The following STAG2 variants were observed in gnomAD, a reference collection of about 807,000 sequenced individuals.
STAG2 encodes cohesin subunit SA-2.
STAG2 carries 14 observed loss-of-function variants against 108.1 expected under a neutral mutation model. The observed-to-expected ratio is 0.13, with a 90% CI of 0.09 to 0.20. The LOEUF (loss-of-function observed/expected upper bound fraction) is 0.20. STAG2 is among the 10% of genes least tolerant of loss of function. The probability of loss-of-function intolerance (pLI) is 1.00; values close to 1 mark genes in which losing one functional copy is unlikely to be tolerated. For missense variants in STAG2, 440 were observed against 940.9 expected (o/e 0.47, Z 6.96); for synonymous variants, 307 against 302.7 (o/e 1.01, Z -0.15).
chrX:124,039,739 C>G, intron 6 of STAG2, among the ~76,000 whole-genome samples: 1 of 108,584 alleles, frequency 9.2e-6, no homozygotes, highest in Non-Finnish European at 1.9e-5. Context: ...GTTGTCCCAC[C>G]TTGGCCTCCC....
At chrX:124,045,519 C>T (rs1231445327) in intron 8 of STAG2, 151 bp downstream of exon 8, 2 of 491,167 alleles carry the variant, frequency 4.1e-6, no homozygotes, top group Non-Finnish European at 6.6e-6. Flanking sequence ...CCTGCGAATT[C>T]CTGGAAATGG....
chrX:124,060,665 G>A (rs974396103), intron 15 of STAG2, among the ~76,000 whole-genome samples: 1 of 110,000 alleles, frequency 9.1e-6, no homozygotes, highest in East Asian at 2.9e-4. Flanking sequence ...GCTCACACCT[G>A]TAATCCCAGC....
At chrX:124,043,481 G>A (rs2057784613) in intron 7 of STAG2, among the ~76,000 whole-genome samples, 1 of 111,253 alleles carries the variant, frequency 9.0e-6, no homozygotes, top group African/African-American at 3.3e-5. Flanking sequence ...CTGTAAAATG[G>A]GCCTAATAGT....
At chrX:124,012,252 T>C (rs1015601567) in intron 1 of STAG2, among the ~76,000 whole-genome samples, 1 of 112,385 alleles carries the variant, frequency 8.9e-6, no homozygotes, top group Non-Finnish European at 1.9e-5. Context: ...TATTGGTCTG[T>C]AGTTTTCTTA....
At chrX:124,020,903 C>A (rs1412260864) in intron 1 of STAG2, among the ~76,000 whole-genome samples, 2 of 111,683 alleles carry the variant, frequency 1.8e-5, no homozygotes, top group African/African-American at 3.3e-5. Context: ...AACTCCTCAC[C>A]TCAAGTGACC....
intron 34 of STAG2, among the ~76,000 whole-genome samples, chrX:124,099,263 C>T: frequency 8.9e-6 from 1 of 111,862 alleles, no homozygotes; most frequent in Non-Finnish European, 1.9e-5. Context: ...CGTCTTCATC[C>T]CATACTCAAT....
rs1006787607 is a variant in STAG2, at chrX:124,032,352, A to G, written c.288+1227A>G. Among the ~76,000 whole-genome samples, 15 of 112,319 alleles carry G rather than the reference A, an allele frequency of 1.3e-4. No homozygotes were observed. In the South Asian group the frequency reaches 2.2e-3, roughly 16 times the overall value. ...GTTTTCTCTGCATACTTTTATGACA[A>G]TAGAAGCATTTAGGCTTTCTAATGT... On this transcript the variant is annotated intron_variant, in intron 5 of 34. Coordinates refer to ENST00000371145, the MANE Select transcript of STAG2 (RefSeq NM_001042750.2).
chrX:124,058,099 ACCCACTCC>A lies in STAG2; in HGVS notation c.1416+135_1416+142del, dbSNP rs200170539. 1,408 of 297,890 alleles carry A rather than the reference ACCCACTCC, an allele frequency of 4.7e-3. 19 individuals carry two copies. Among genetic ancestry groups the A allele is most frequent in the African/African-American group, 0.036 (1,213 of 34,152 alleles). The allele number at this position is 297,890 out of a possible 1,213,427, so 24.5% of individuals were successfully genotyped here. A position where few individuals can be genotyped will look rare whatever the true frequency, so the allele number is the denominator to read the frequency against. Reference sequence around the variant, plus strand: ...TAAATTGTGAATAGAATGGAGAGCCACCCACTCCCCCACTCCCCCAATTTTTTTTTTTA... The same window carrying A: ...TAAATTGTGAATAGAATGGAGAGCCACCCACTCCCCCAATTTTTTTTTTTA... On this transcript the variant is annotated intron_variant, in intron 15 of 34. Coordinates refer to ENST00000371145, the MANE Select transcript of STAG2 (RefSeq NM_001042750.2).
intron 1 of STAG2, among the ~76,000 whole-genome samples, chrX:123,985,231 G>A (rs969878504): frequency 1.8e-5 from 2 of 110,734 alleles, no homozygotes; most frequent in Admixed American, 1.9e-4. Context: ...TAAGACAACC[G>A]TTTATTCCTT....
chrX:124,036,229 G>T (rs886289096), intron 5 of STAG2, among the ~76,000 whole-genome samples: 1 of 111,733 alleles, frequency 8.9e-6, no homozygotes, highest in African/African-American at 3.3e-5. Context: ...GATTCTACAT[G>T]TTTTAGTCAT....
At chrX:124,046,030 A>C (rs1336696037) in intron 8 of STAG2, among the ~76,000 whole-genome samples, 3 of 111,718 alleles carry the variant, frequency 2.7e-5, no homozygotes, top group African/African-American at 9.8e-5. Context: ...TTTATACCTC[A>C]TAACATCTGT....
At chrX:123,974,618 G>T (rs1444137293) in intron 1 of STAG2, among the ~76,000 whole-genome samples, 3 of 95,833 alleles carry the variant, frequency 3.1e-5, no homozygotes, top group Non-Finnish European at 4.1e-5. Context: ...TCGCTCTGTC[G>T]CCCAGACTGG....
In STAG2 at chrX:124,019,171, C is replaced by T. The variant is rs1340583902; in HGVS notation, c.-162-2196C>T. Among the ~76,000 whole-genome samples the T allele has an allele frequency of 5.6e-5, 6 of 106,956 alleles. No homozygotes were observed. In the South Asian group the frequency reaches 2.1e-3, roughly 38 times the overall value. 92.9% of individuals were successfully genotyped at this position (106,956 alleles called of 115,157 possible). The stretch of plus-strand genomic sequence containing the variant: ...CACCTTCCGGGTTCACGCCATTCTC[C>T]TGCCTCAGCCTCTGGAGTAGCTGGG... On this transcript the variant is annotated intron_variant, in intron 1 of 34. Coordinates refer to ENST00000371145, the MANE Select transcript of STAG2 (RefSeq NM_001042750.2).
At chrX:123,965,950 G>T (rs886742772) in intron 1 of STAG2, among the ~76,000 whole-genome samples, 1 of 110,296 alleles carries the variant, frequency 9.1e-6, no homozygotes, top group Non-Finnish European at 1.9e-5. Context: ...AGTAAGCCAC[G>T]ATTGCGCCAC....
chrX:124,054,265 T>C (rs192808638), intron 13 of STAG2, among the ~76,000 whole-genome samples: 208 of 112,205 alleles, frequency 1.9e-3, no homozygotes, highest in Non-Finnish European at 3.1e-3. Flanking sequence ...ATAGCTAATA[T>C]AAGCACTTTA....
chrX:124,038,949 T>G (rs1380491652), intron 6 of STAG2, among the ~76,000 whole-genome samples: 1 of 110,454 alleles, frequency 9.1e-6, no homozygotes, highest in East Asian at 2.8e-4. Flanking sequence ...AAATTATTTT[T>G]CCCTATATCC....
intron 1 of STAG2, among the ~76,000 whole-genome samples, chrX:124,019,552 T>TA (rs1009260781): frequency 1.2e-4 from 13 of 111,731 alleles, no homozygotes; most frequent in Middle Eastern, 4.6e-3. Context: ...TTAGAGACTT[T>TA]AAAAAAATCT....
rs755030624 is a variant in STAG2 at position 124,049,092 on chromosome X, G to GT, written c.893+21dup. 1.1e-4 allele frequency: 125 copies of GT among 1,144,640 alleles called. No individual in the cohort carries two copies. Among genetic ancestry groups the GT allele is most frequent in the Non-Finnish European group, 1.4e-4 (114 of 842,799 alleles). 94.3% of individuals were successfully genotyped at this position (1,144,640 alleles called of 1,213,427 possible). A position where few individuals can be genotyped will look rare whatever the true frequency, so the allele number is the denominator to read the frequency against. On this transcript the variant is annotated intron_variant, in intron 10 of 34. Coordinates refer to ENST00000371145, the MANE Select transcript of STAG2 (RefSeq NM_001042750.2). ...ACATAGATACCGGTAAGTTGTGACA[G>GT]TTTTTTTCATAAATAGCATTATGTA...
chrX:123,994,155 A>AG (rs2055616324), intron 1 of STAG2, among the ~76,000 whole-genome samples: 1 of 111,913 alleles, frequency 8.9e-6, no homozygotes, highest in African/African-American at 3.2e-5. Flanking sequence ...ATAAGGTCAA[A>AG]GGGGAAGTGG....
Sources: gnomAD v4.1 joint callset for allele counts (sites outside exome capture counted in the v4.1 genomes callset) on GRCh38, gnomAD v4.1.1 for gene constraint, MANE v1.5 for transcripts, NCBI Gene and HGNC (gene_info 2026-07-23, HGNC 2026-07-21) for gene names.